The following GPR158 variants were observed in gnomAD, a reference collection of about 807,000 sequenced individuals.
GPR158 encodes the protein metabotropic glycine receptor.
A neutral mutation model predicts 78.2 loss-of-function variants in GPR158; 30 were observed. The ratio of observed to expected loss-of-function variants is 0.38; its 90% CI spans 0.29 to 0.52. The LOEUF is 0.52. GPR158 is among the 20% of genes least tolerant of loss of function. The pLI is 0.83. For synonymous variants in GPR158, 581 were observed against 591.1 expected, an observed-to-expected ratio of 0.98 and a Z score of 0.25; for missense variants, 1,463 against 1,523.5, an observed-to-expected ratio of 0.96 and a Z score of 0.66.
chr10:25,258,497 C>T (rs1046307768), intron 2 of GPR158, among the ~76,000 whole-genome samples: 2 of 152,070 alleles, frequency 1.3e-5, no homozygotes, highest in African/African-American at 4.8e-5. Context: ...TCTGATGTAA[C>T]AAACCCTTCC....
rs541805626 is a variant in GPR158 at position 25,391,120 on chromosome 10, C to T, written c.1009-4791C>T. Among the ~76,000 whole-genome samples the T allele has an allele frequency of 1.5e-4, 23 of 152,336 alleles. No individual in the cohort carries two copies. The South Asian group carries it at 4.8e-3, about 32-fold the overall frequency. On this transcript the variant is annotated intron_variant, in intron 2 of 10. Coordinates refer to ENST00000376351, the MANE Select transcript of GPR158 (RefSeq NM_020752.3). Reference sequence around the variant, plus strand: ...GGTTTGGGAACCTCTGCCTAGATTTCAGAGGATGCATAGAAACACCTGGAT... The same window carrying T: ...GGTTTGGGAACCTCTGCCTAGATTTTAGAGGATGCATAGAAACACCTGGAT...
At chr10:25,331,373 A>G (rs1275330215) in intron 2 of GPR158, among the ~76,000 whole-genome samples, 1 of 152,188 alleles carries the variant, frequency 6.6e-6, no homozygotes, top group Non-Finnish European at 1.5e-5. Context: ...ATTTAGCAGT[A>G]TTTTTGCTCT....
At chr10:25,511,219 A>G (rs1836081134) in intron 5 of GPR158, among the ~76,000 whole-genome samples, 1 of 151,880 alleles carries the variant, frequency 6.6e-6, no homozygotes, top group Non-Finnish European at 1.5e-5. Context: ...TATTTTTTGA[A>G]TTTTTGGTTA....
At chr10:25,361,010 T>G (rs1458308873) in intron 2 of GPR158, among the ~76,000 whole-genome samples, 1 of 152,026 alleles carries the variant, frequency 6.6e-6, no homozygotes, top group Non-Finnish European at 1.5e-5. Context: ...ATATTCACAT[T>G]GTTGTGAAAC....
At chr10:25,203,537 C>T (rs1349522856) in intron 1 of GPR158, among the ~76,000 whole-genome samples, 1 of 151,058 alleles carries the variant, frequency 6.6e-6, no homozygotes. Flanking sequence ...TTGTTTTTGT[C>T]AGGTTTGTCA....
rs547194289 is a variant in GPR158 at position 25,270,726 on chromosome 10, C to T, written c.1008+49569C>T. Among the ~76,000 whole-genome samples, 16 of 152,206 alleles carry T rather than the reference C, an allele frequency of 1.1e-4. No homozygotes were observed. In the South Asian group the frequency reaches 1.2e-3, roughly 12 times the overall value. ...TCTTCCTCATCACCTTATCGAAGTC[C>T]CATTGATTTTATCTCATACTATTTT... On this transcript the variant is annotated intron_variant, in intron 2 of 10. Transcript: ENST00000376351.
intron 1 of GPR158, among the ~76,000 whole-genome samples, chr10:25,192,317 G>A (rs1395305119): frequency 1.3e-5 from 2 of 152,152 alleles, no homozygotes; most frequent in Non-Finnish European, 2.9e-5. Context: ...CAGCCAAATG[G>A]AACTGTGAGT....
At position 25,360,093 on chromosome 10, in the gene GPR158, T is replaced by C. The variant is rs568620560; in HGVS notation, c.1009-35818T>C. Among the ~76,000 whole-genome samples, 11 of 152,344 alleles carry C rather than the reference T, an allele frequency of 7.2e-5. No individual in the cohort carries two copies. The South Asian group carries it at 2.3e-3, about 32-fold the overall frequency. ...GTGTCTGTTCATATCCTTCACCTAC[T>C]TTTTGATGAGGTTGTTTTCTTATAA... On this transcript the variant is annotated intron_variant, in intron 2 of 10. Coordinates refer to ENST00000376351, the MANE Select transcript of GPR158 (RefSeq NM_020752.3).
chr10:25,493,216 G>A (rs1464991627), intron 5 of GPR158, among the ~76,000 whole-genome samples: 1 of 152,148 alleles, frequency 6.6e-6, no homozygotes, highest in Non-Finnish European at 1.5e-5. Context: ...AGGTTCCCTA[G>A]CATGGGGCCT....
intron 4 of GPR158, among the ~76,000 whole-genome samples, chr10:25,456,249 G>C (rs1243981319): frequency 6.6e-6 from 1 of 152,106 alleles, no homozygotes; most frequent in Non-Finnish European, 1.5e-5. Flanking sequence ...TTGTATCCTT[G>C]TAAATGTCTT....
chr10:25,332,131 A>G (rs541784816), intron 2 of GPR158, among the ~76,000 whole-genome samples: 30 of 152,118 alleles, frequency 2.0e-4, no homozygotes, highest in African/African-American at 7.0e-4. Context: ...GGGCGAATAC[A>G]TTTCTGGTTT....
Position 25,410,051 on chromosome 10 carries a change from T to G in GPR158, c.1112-2199T>G, listed in dbSNP as rs2130546322. ...TTTCTCAGTCATCATATTGATCACA[T>G]TATAGCATTTTTTAGTAAATTGCAT... On this transcript the variant is annotated intron_variant, in intron 3 of 10. Coordinates refer to ENST00000376351, the MANE Select transcript of GPR158 (RefSeq NM_020752.3). Among the ~76,000 whole-genome samples the G allele has an allele frequency of 2.6e-5, 4 of 152,284 alleles. No homozygotes were observed. In the Middle Eastern group the frequency reaches 0.014, roughly 518 times the overall value.
At chr10:25,239,595 G>A (rs1019301461) in intron 2 of GPR158, among the ~76,000 whole-genome samples, 1 of 131,084 alleles carries the variant, frequency 7.6e-6, no homozygotes. Flanking sequence ...GTGACAGAGC[G>A]AGACTCTGTC....
intron 5 of GPR158, among the ~76,000 whole-genome samples, chr10:25,523,255 G>T (rs1000472654): frequency 1.3e-5 from 2 of 152,220 alleles, no homozygotes; most frequent in Admixed American, 1.3e-4. Context: ...TCCAGGGGTT[G>T]GGAGAAGGGC....
chr10:25,233,667 C>T (rs930535660), intron 2 of GPR158, among the ~76,000 whole-genome samples: 1 of 152,136 alleles, frequency 6.6e-6, no homozygotes, highest in African/African-American at 2.4e-5. Flanking sequence ...GTCCTGGGAC[C>T]CCTGGGGGTC....
chr10:25,200,086 G>T (rs917860786), intron 1 of GPR158, among the ~76,000 whole-genome samples: 5 of 152,052 alleles, frequency 3.3e-5, no homozygotes, highest in Non-Finnish European at 7.4e-5. Context: ...TTGAGAAATC[G>T]CCATGCTGCT....
chr10:25,459,899 T>C (rs1835335408), intron 4 of GPR158, among the ~76,000 whole-genome samples: 1 of 152,210 alleles, frequency 6.6e-6, no homozygotes, highest in South Asian at 2.1e-4. Flanking sequence ...TCTGAAAGTT[T>C]ACAAAGTGGG....
chr10:25,525,754 GA>G (rs1836338254), intron 5 of GPR158, among the ~76,000 whole-genome samples: 1 of 152,114 alleles, frequency 6.6e-6, no homozygotes, highest in African/African-American at 2.4e-5. Context: ...ACAACTCTGT[GA>G]CTATACTTCA....
At chr10:25,371,780 C>G (rs1267474139) in intron 2 of GPR158, among the ~76,000 whole-genome samples, 1 of 134,616 alleles carries the variant, frequency 7.4e-6, no homozygotes, top group East Asian at 2.0e-4. Context: ...CATTACCATT[C>G]AGGACATAGG....
Sources: gnomAD v4.1 joint callset for allele counts (sites outside exome capture counted in the v4.1 genomes callset) on GRCh38, gnomAD v4.1.1 for gene constraint, MANE v1.5 for transcripts, NCBI Gene and HGNC (gene_info 2026-07-23, HGNC 2026-07-21) for gene names.